Variants in MTMR7 observed in about 807,000 individuals in gnomAD.
MTMR7 encodes myotubularin related protein 7, also known as phosphatidylinositol-3-phosphate phosphatase MTMR7.
Under a neutral mutation model 81.2 loss-of-function variants are expected in MTMR7, and 76 were observed. The ratio of observed to expected loss-of-function variants is 0.94; its 90% CI spans 0.78 to 1.13. The LOEUF (loss-of-function observed/expected upper bound fraction) is 1.13, where lower values mean the gene tolerates loss of function less well. MTMR7 is among the 50% of genes most tolerant of loss of function. MTMR7 has a pLI of 0.00. For missense variants in MTMR7, 1,044 were observed against 820.0 expected, an observed-to-expected ratio of 1.27 and a Z score of -3.34; for synonymous variants, 372 against 289.8, an observed-to-expected ratio of 1.28 and a Z score of -2.88.
intron 13 of MTMR7, chr8:17,301,752 C>A: frequency 5.1e-6 from 1 of 196,706 alleles, no homozygotes; most frequent in Non-Finnish European, 1.0e-5. Context: ...CTCCCCTTTA[C>A]CAATTATAGA....
Position 17,341,503 on chromosome 8 carries a change from G to A in MTMR7, c.598-6C>T, listed in dbSNP as rs1041376194. ...CTGCTCCGGCAGATGGAGGCCTAGG[G>A]GGAGAGGTCACAGCAACACAGCACC... On this transcript the variant is annotated splice_polypyrimidine_tract_variant and splice_region_variant and intron_variant, in intron 5 of 13. Transcript: ENST00000180173. 5.0e-6 allele frequency: 8 copies of A among 1,613,100 alleles called. No homozygotes were observed. In the East Asian group the frequency reaches 1.1e-4, roughly 22 times the overall value.
chr8:17,396,461 G>GAC (rs1309332844), intron 1 of MTMR7, among the ~76,000 whole-genome samples: 1 of 152,138 alleles, frequency 6.6e-6, no homozygotes, highest in African/African-American at 2.4e-5. Context: ...GCTACTTGAG[G>GAC]ACTTGGCATT....
chr8:17,377,962 ACT>A (rs1820639179), intron 1 of MTMR7, among the ~76,000 whole-genome samples: 1 of 152,210 alleles, frequency 6.6e-6, no homozygotes, highest in Non-Finnish European at 1.5e-5. Flanking sequence ...ATAAGATAAT[ACT>A]TTGAGGCAAA....
intron 4 of MTMR7, among the ~76,000 whole-genome samples, chr8:17,349,642 C>G (rs1215084932): frequency 6.6e-6 from 1 of 152,192 alleles, no homozygotes; most frequent in Non-Finnish European, 1.5e-5. Flanking sequence ...GAAGTTCCAC[C>G]TCCTTCGGGA....
At chr8:17,327,255 A>T (rs757871984) in intron 7 of MTMR7, among the ~76,000 whole-genome samples, 1 of 152,098 alleles carries the variant, frequency 6.6e-6, no homozygotes, top group Non-Finnish European at 1.5e-5. Flanking sequence ...ACTACTATCA[A>T]CATAGGCATG....
At chr8:17,328,604 T>C (rs1362299735) in intron 7 of MTMR7, among the ~76,000 whole-genome samples, 1 of 151,878 alleles carries the variant, frequency 6.6e-6, no homozygotes, top group African/African-American at 2.4e-5. Flanking sequence ...TAAGGAAAAA[T>C]AGCTAATGCC....
chr8:17,375,218 C>T (rs571927871), intron 1 of MTMR7, among the ~76,000 whole-genome samples: 2 of 152,242 alleles, frequency 1.3e-5, no homozygotes, highest in South Asian at 2.1e-4. Flanking sequence ...CAAGAGCAAA[C>T]AGGACCCAAG....
intron 6 of MTMR7, among the ~76,000 whole-genome samples, chr8:17,339,694 T>A (rs1819350155): frequency 6.6e-6 from 1 of 152,248 alleles, no homozygotes; most frequent in East Asian, 1.9e-4. Context: ...CTATTACTAA[T>A]AATGAACAAA....
Position 17,305,913 on chromosome 8 carries a change from A to G in MTMR7, c.1196T>C (p.Ile399Thr), listed in dbSNP as rs988561243. The G allele has an allele frequency of 1.1e-5, 18 of 1,613,656 alleles. No homozygotes were observed. Among genetic ancestry groups the G allele is most frequent in the East Asian group, 6.7e-5 (3 of 44,854 alleles). Residue 399 changes from isoleucine to threonine, a missense_variant, in exon 11 of 14, where the codon ATT (isoleucine) becomes ACT (threonine). By Grantham distance (89) the Ile-to-Thr change is moderately conservative. Transcript: ENST00000180173. Reference protein sequence around the residue: ...DGDPKEISPVIDQFIECVWQL... With the variant: ...DGDPKEISPVTDQFIECVWQL... ...CCAAACACACTCAATGAACTGGTCA[A>G]TAACTGGAGAGATTTCTTTTGGGTC...
intron 1 of MTMR7, among the ~76,000 whole-genome samples, chr8:17,395,471 T>A (rs904712507): frequency 6.6e-6 from 1 of 152,202 alleles, no homozygotes; most frequent in Non-Finnish European, 1.5e-5. Flanking sequence ...TAATTCTACA[T>A]TTAACTTTTT....
chr8:17,397,527 T>C (rs1821299214), intron 1 of MTMR7, among the ~76,000 whole-genome samples: 1 of 152,104 alleles, frequency 6.6e-6, no homozygotes, highest in East Asian at 1.9e-4. Flanking sequence ...CTTTGTCTTG[T>C]GTTTTGAGGG....
chr8:17,333,099 A>G (rs1819097277), intron 6 of MTMR7, among the ~76,000 whole-genome samples: 2 of 152,170 alleles, frequency 1.3e-5, no homozygotes, highest in Admixed American at 6.5e-5. Flanking sequence ...CTCACATTTC[A>G]ATAGCAGCCC....
chr8:17,379,788 T>TTTGTTG (rs1486861138), intron 1 of MTMR7, among the ~76,000 whole-genome samples: 1 of 152,068 alleles, frequency 6.6e-6, no homozygotes, highest in Non-Finnish European at 1.5e-5. Flanking sequence ...TTTTTGATTG[T>TTTGTTG]TTGTTTTTGT....
At chr8:17,411,664 A>C (rs1294529268) in intron 1 of MTMR7, among the ~76,000 whole-genome samples, 1 of 152,208 alleles carries the variant, frequency 6.6e-6, no homozygotes, top group African/African-American at 2.4e-5. Flanking sequence ...CCAGATAAAT[A>C]AGGATTTCTG....
At position 17,403,754 on chromosome 8, in the gene MTMR7, C is replaced by A. The variant is rs149791051; in HGVS notation, c.24+9515G>T. 5.9e-5 allele frequency among the ~76,000 whole-genome samples: 9 copies of A among 151,644 alleles called. No individual in the cohort carries two copies. The East Asian group carries it at 1.7e-3, about 29-fold the overall frequency. ...TGTCCTCTTCAATTTCTTTCATCAG[C>A]GTTTTATAGTTTGCCTTTTATAGAT... On this transcript the variant is annotated intron_variant, in intron 1 of 13. Transcript: ENST00000180173.
intron 1 of MTMR7, among the ~76,000 whole-genome samples, chr8:17,378,427 C>T (rs1820656227): frequency 6.6e-6 from 1 of 152,106 alleles, no homozygotes; most frequent in Non-Finnish European, 1.5e-5. Context: ...GTTTGGGCAC[C>T]ATCTTGAAGA....
intron 1 of MTMR7, among the ~76,000 whole-genome samples, chr8:17,411,159 C>T (rs1298775005): frequency 6.6e-6 from 1 of 152,132 alleles, no homozygotes; most frequent in Non-Finnish European, 1.5e-5. Flanking sequence ...GTTATTTAAC[C>T]TCAAGGAATC....
At chr8:17,301,199 A>T (rs578212192) in intron 13 of MTMR7, among the ~76,000 whole-genome samples, 25 of 152,350 alleles carry the variant, frequency 1.6e-4, no homozygotes, top group African/African-American at 5.8e-4. Context: ...ATACAGACCC[A>T]GCCTTAAGGA....
chr8:17,347,756 C>G (rs1048524091), intron 5 of MTMR7, among the ~76,000 whole-genome samples: 1 of 152,188 alleles, frequency 6.6e-6, no homozygotes, highest in African/African-American at 2.4e-5. Context: ...AAATGGAACT[C>G]TAAGTTTTAG....
Sources: allele counts gnomAD v4.1 joint callset (sites outside exome capture counted in the v4.1 genomes callset), GRCh38; gene constraint gnomAD v4.1.1; transcripts MANE v1.5; gene names NCBI Gene and HGNC (gene_info 2026-07-23, HGNC 2026-07-21).